The following ALG13 variants were observed in gnomAD, a reference collection of about 807,000 sequenced individuals.
ALG13 encodes the protein ALG13 UDP-N-acetylglucosaminyltransferase subunit, also known as UDP-N-acetylglucosamine transferase subunit ALG13.
In ALG13, 11 loss-of-function variants were observed where a neutral mutation model predicts 87.8. That is an observed-to-expected ratio of 0.13 (90% CI 0.08 to 0.21). The LOEUF (loss-of-function observed/expected upper bound fraction) is 0.21. Ranked by LOEUF, ALG13 falls within the 10% of genes least tolerant of loss-of-function variation. The pLI is 1.00. For missense variants in ALG13, 756 were observed against 866.1 expected (o/e 0.87, Z 1.60); for synonymous variants, 320 against 306.3 (o/e 1.04, Z -0.47).
At chrX:111,707,934 A>C in intron 3 of ALG13, 93 bp from the exon 4 acceptor site, 2 of 942,214 alleles carry the variant, frequency 2.1e-6, no homozygotes, top group Non-Finnish European at 2.9e-6. Flanking sequence ...CCAAGGAGGT[A>C]ACTCTAAGTA....
chrX:111,753,259 A>G (rs1187741211), intron 25 of ALG13: 1 of 113,514 alleles, frequency 8.8e-6, no homozygotes, highest in Non-Finnish European at 1.9e-5. Flanking sequence ...CAATGAGAAC[A>G]AAGACACAAT....
At chrX:111,725,164 A>G in intron 15 of ALG13, 103 bp downstream of exon 15, 1 of 980,324 alleles carries the variant, frequency 1.0e-6, no homozygotes, top group Non-Finnish European at 1.4e-6. Context: ...GTCTTGTTGT[A>G]GGGTAGGGTT....
At chrX:111,710,708 A>T (rs1015088359) in intron 5 of ALG13, among the ~76,000 whole-genome samples, 2 of 111,518 alleles carry the variant, frequency 1.8e-5, no homozygotes, top group African/African-American at 6.5e-5. Context: ...TCATTTATTT[A>T]TTTTTTGAGA....
chrX:111,701,902 CT>C lies in ALG13; in HGVS notation c.384-6120del, dbSNP rs1356985370. ...TGTCTCAAGGGTTTTTTTTAATTTCCTTTTTGATTTATTCTGTGACACATTG... is the reference window on the plus strand; with the variant it reads ...TGTCTCAAGGGTTTTTTTTAATTTCCTTTTGATTTATTCTGTGACACATTG... On this transcript the variant is annotated intron_variant, in intron 3 of 26. Transcript: ENST00000394780. Among the ~76,000 whole-genome samples, 19 of 110,220 alleles carry C rather than the reference CT, an allele frequency of 1.7e-4. No homozygotes were observed. The East Asian group carries it at 5.1e-3, about 30-fold the overall frequency.
Position 111,728,253 on chromosome X carries a change from C to T in ALG13, c.2316C>T (p.Ser772=). The T allele has an allele frequency of 8.3e-7, 1 of 1,211,266 alleles. No homozygotes were observed. The highest frequency in any genetic ancestry group is 1.1e-6 in the Non-Finnish European group (1 of 895,161). ...SGYCVGRRGH[S]SGKQTLNLEE... is the part of the protein sequence containing the mutation. ...ACTGTGTTGGAAGGCGGGGACATAG[C>T]TCAGGCAAACAGACTTTGAATTTAG... The change falls in exon 19 of 27, where the codon AGC becomes AGT. Residue 772 remains serine, a synonymous_variant. Coordinates refer to ENST00000394780, the MANE Select transcript of ALG13 (RefSeq NM_001099922.3).
intron 1 of ALG13, chrX:111,681,745 C>T (rs1933354886): frequency 1.2e-6 from 1 of 827,680 alleles, no homozygotes; most frequent in African/African-American, 2.2e-5. Flanking sequence ...TCCTTCCCCT[C>T]AGCACTTGGC....
At chrX:111,696,687 C>T (rs1213378781) in intron 3 of ALG13, among the ~76,000 whole-genome samples, 3 of 111,679 alleles carry the variant, frequency 2.7e-5, no homozygotes, top group Non-Finnish European at 3.8e-5. Flanking sequence ...GGGCAAATTA[C>T]GTATTCTAGC....
intron 23 of ALG13, among the ~76,000 whole-genome samples, chrX:111,740,568 C>T (rs1303694395): frequency 9.0e-6 from 1 of 110,728 alleles, no homozygotes; most frequent in Non-Finnish European, 1.9e-5. Context: ...GGAGAAATGG[C>T]TGATTCCAGG....
At chrX:111,740,187 A>G (rs749986768) in intron 23 of ALG13, among the ~76,000 whole-genome samples, 18 of 111,162 alleles carry the variant, frequency 1.6e-4, no homozygotes, top group African/African-American at 5.9e-4. Context: ...TGGGCAAAGC[A>G]TTTTTTCATG....
rs141662434 is a variant in ALG13 at position 111,702,827 on chromosome X, C to A, written c.384-5200C>A. On this transcript the variant is annotated intron_variant, in intron 3 of 26. Transcript: ENST00000394780. ...CAGTAGCTTTTCTGAGAAAGGGTGGCAACATTTTTGAATCTTTTTTTTTTT... is the reference window on the plus strand; with the variant it reads ...CAGTAGCTTTTCTGAGAAAGGGTGGAAACATTTTTGAATCTTTTTTTTTTT... Among the ~76,000 whole-genome samples the A allele has an allele frequency of 5.9e-3, 646 of 110,123 alleles. 4 individuals carry two copies. Among genetic ancestry groups the A allele is most frequent in the African/African-American group, 0.02 (608 of 30,268 alleles).
chrX:111,738,918 C>T (rs933706446), intron 23 of ALG13, among the ~76,000 whole-genome samples: 7 of 106,737 alleles, frequency 6.6e-5, no homozygotes, highest in Non-Finnish European at 9.6e-5. Context: ...GATTTAAAAG[C>T]GACATATTTG....
intron 3 of ALG13, chrX:111,689,494 A>T (rs1271680368): frequency 1.3e-6 from 1 of 752,538 alleles, no homozygotes; most frequent in East Asian, 1.5e-4. Flanking sequence ...AGAATAATGC[A>T]TAACCTAAAT....
chrX:111,722,728 G>C, intron 12 of ALG13, 65 bp from the exon 13 acceptor site: 2 of 788,638 alleles, frequency 2.5e-6, no homozygotes, highest in Admixed American at 2.7e-5. Context: ...AGTAAATGAG[G>C]AAATTAAATG....
intron 24 of ALG13, among the ~76,000 whole-genome samples, chrX:111,752,416 CT>C (rs938995695): frequency 7.5e-5 from 8 of 107,010 alleles, no homozygotes; most frequent in East Asian, 2.9e-4. Context: ...AACAGAAAAG[CT>C]TTTTTTTTTC....
chrX:111,710,526 A>G (rs983149581), intron 5 of ALG13, among the ~76,000 whole-genome samples: 1 of 111,723 alleles, frequency 9.0e-6, no homozygotes, highest in African/African-American at 3.3e-5. Flanking sequence ...TAGAAAAAAT[A>G]CAAGCCAATC....
At chrX:111,719,797 C>T (rs776437618) in intron 10 of ALG13, among the ~76,000 whole-genome samples, 48 of 111,687 alleles carry the variant, frequency 4.3e-4, no homozygotes, top group Non-Finnish European at 7.9e-4. Context: ...CTGTTTGCTT[C>T]CTTATAGGCA....
At chrX:111,682,010 C>A (rs1933503237) in intron 1 of ALG13, 122 bp from the exon 2 acceptor site, 1 of 884,496 alleles carries the variant, frequency 1.1e-6, no homozygotes, top group African/African-American at 2.1e-5. Context: ...AAATCGGCCA[C>A]AGATAGGCTT....
intron 14 of ALG13, among the ~76,000 whole-genome samples, 179 bp downstream of exon 14, chrX:111,724,077 A>G (rs1008841984): frequency 3.6e-5 from 4 of 112,251 alleles, no homozygotes; most frequent in African/African-American, 9.7e-5. Flanking sequence ...CAATATAGAT[A>G]TTAGATATGT....
intron 2 of ALG13, among the ~76,000 whole-genome samples, 161 bp from the exon 3 acceptor site, chrX:111,684,804 A>G (rs1934512421): frequency 8.9e-6 from 1 of 112,599 alleles, no homozygotes; most frequent in Non-Finnish European, 1.9e-5. Flanking sequence ...TTAGAGAGCA[A>G]CTGATAACTA....
Sources: allele counts gnomAD v4.1 joint callset (sites outside exome capture counted in the v4.1 genomes callset), GRCh38; gene constraint gnomAD v4.1.1; transcripts MANE v1.5; gene names NCBI Gene and HGNC (gene_info 2026-07-23, HGNC 2026-07-21).